The following DPP10 variants were observed in gnomAD, a reference collection of about 807,000 sequenced individuals.
DPP10 encodes the protein inactive dipeptidyl peptidase 10.
In DPP10, 33 loss-of-function variants were observed where a neutral mutation model predicts 120.9. The ratio of observed to expected loss-of-function variants is 0.27; its 90% CI spans 0.21 to 0.37. The LOEUF is 0.37. Among genes scored for constraint, DPP10 ranks in the 10% least tolerant of loss-of-function variants. DPP10 has a pLI of 1.00. For synonymous variants in DPP10, 337 were observed against 326.1 expected (o/e 1.03, Z -0.36); for missense variants, 816 against 942.8 (o/e 0.87, Z 1.76).
intron 1 of DPP10, among the ~76,000 whole-genome samples, chr2:114,509,651 T>G (rs1683971590): frequency 6.6e-6 from 1 of 152,108 alleles, no homozygotes; most frequent in African/African-American, 2.4e-5. Flanking sequence ...GTGAGTGGAG[T>G]AATAGGCATT....
chr2:114,611,258 A>T (rs1430303264), intron 1 of DPP10, among the ~76,000 whole-genome samples: 2 of 152,226 alleles, frequency 1.3e-5, no homozygotes, highest in Non-Finnish European at 2.9e-5. Flanking sequence ...TACTATAAAA[A>T]GCAGAAAAGG....
At chr2:114,760,464 T>C (rs1042780876) in intron 1 of DPP10, among the ~76,000 whole-genome samples, 2 of 152,114 alleles carry the variant, frequency 1.3e-5, no homozygotes, top group Non-Finnish European at 2.9e-5. Flanking sequence ...CAGGTCTTCA[T>C]TGAACAAACT....
At chr2:115,836,851 G>A (rs1442899939) in intron 24 of DPP10, 105 bp downstream of exon 24, 9 of 964,306 alleles carry the variant, frequency 9.3e-6, no homozygotes, top group East Asian at 7.4e-5. Context: ...TCTGAAGAAG[G>A]GAGCAGAGAG....
chr2:115,704,189 C>T, intron 7 of DPP10, among the ~76,000 whole-genome samples: 1 of 151,796 alleles, frequency 6.6e-6, no homozygotes, highest in Non-Finnish European at 1.5e-5. Context: ...GGATGAAAGA[C>T]ACCTGACTCC....
chr2:115,678,153 G>A (rs1291131182), intron 5 of DPP10, among the ~76,000 whole-genome samples: 1 of 152,188 alleles, frequency 6.6e-6, no homozygotes, highest in Non-Finnish European at 1.5e-5. Flanking sequence ...AGAAATTCAA[G>A]CCAGCTGCAG....
chr2:114,789,002 T>A (rs1447785902), intron 1 of DPP10, among the ~76,000 whole-genome samples: 1 of 152,084 alleles, frequency 6.6e-6, no homozygotes, highest in Non-Finnish European at 1.5e-5. Context: ...GTTAAAAAGG[T>A]TCACCATTAT....
intron 2 of DPP10, among the ~76,000 whole-genome samples, chr2:115,343,315 A>AT (rs2063541209): frequency 6.6e-6 from 1 of 152,078 alleles, no homozygotes; most frequent in Non-Finnish European, 1.5e-5. Flanking sequence ...TTGGGTACTA[A>AT]TTTTTTTGGT....
At chr2:114,756,086 A>G (rs931867508) in intron 1 of DPP10, among the ~76,000 whole-genome samples, 4 of 152,238 alleles carry the variant, frequency 2.6e-5, no homozygotes, top group African/African-American at 9.6e-5. Flanking sequence ...TAAATACAAT[A>G]TAAGGCAATG....
intron 1 of DPP10, among the ~76,000 whole-genome samples, chr2:115,221,646 G>C (rs142691800): frequency 1.3e-5 from 2 of 151,892 alleles, no homozygotes; most frequent in Non-Finnish European, 2.9e-5. Flanking sequence ...AAAAAGATTG[G>C]TAGCATTATT....
intron 3 of DPP10, among the ~76,000 whole-genome samples, chr2:115,424,997 AATCGTTGGGGAATG>A (rs1386032777): frequency 2.0e-5 from 3 of 152,206 alleles, no homozygotes; most frequent in Admixed American, 2.0e-4. Context: ...AGAGAAGTAG[AATCGTTGGGGAATG>A]AGTGGAGAAT....
intron 1 of DPP10, among the ~76,000 whole-genome samples, chr2:115,211,420 G>T (rs2056505142): frequency 6.6e-6 from 1 of 151,962 alleles, no homozygotes; most frequent in African/African-American, 2.4e-5. Context: ...AATTGCCATT[G>T]GTTACTTCTT....
intron 1 of DPP10, among the ~76,000 whole-genome samples, chr2:115,140,374 TG>T (rs1285793306): frequency 2.6e-5 from 4 of 152,090 alleles, no homozygotes; most frequent in African/African-American, 9.7e-5. Flanking sequence ...TGCAGGGCTG[TG>T]GGCAGAAGGA....
At chr2:114,494,101 CA>C (rs58552540) in intron 1 of DPP10, among the ~76,000 whole-genome samples, 3,349 of 77,174 alleles carry the variant, frequency 0.043, 47 homozygotes, top group African/African-American at 0.086. Context: ...AGCAATAAGG[CA>C]AAAAAAAAAA....
intron 1 of DPP10, among the ~76,000 whole-genome samples, chr2:115,243,428 A>C (rs2058379123): frequency 2.0e-5 from 3 of 152,208 alleles, no homozygotes; most frequent in South Asian, 2.1e-4. Context: ...AGCTTTAAAA[A>C]AATAAAATAA....
intron 1 of DPP10, among the ~76,000 whole-genome samples, chr2:115,276,241 A>T (rs564513562): frequency 6.6e-6 from 1 of 152,282 alleles, no homozygotes; most frequent in South Asian, 2.1e-4. Flanking sequence ...AATTTGGGAC[A>T]ATCGCCTTTA....
chr2:115,213,399 A>G (rs914239173), intron 1 of DPP10, among the ~76,000 whole-genome samples: 2 of 152,140 alleles, frequency 1.3e-5, no homozygotes, highest in Non-Finnish European at 2.9e-5. Flanking sequence ...TCACCCATCC[A>G]TGGTGATTAA....
intron 1 of DPP10, among the ~76,000 whole-genome samples, chr2:114,732,509 G>C (rs1429001387): frequency 6.6e-6 from 1 of 152,196 alleles, no homozygotes; most frequent in Non-Finnish European, 1.5e-5. Context: ...TCATGCTAGA[G>C]ACATAAGCTT....
At chr2:115,427,430 G>A (rs755012123) in intron 3 of DPP10, among the ~76,000 whole-genome samples, 6 of 152,268 alleles carry the variant, frequency 3.9e-5, no homozygotes, top group East Asian at 1.9e-4. Flanking sequence ...CTTCACTCTC[G>A]CAGGGTGCAT....
intron 1 of DPP10, among the ~76,000 whole-genome samples, chr2:114,644,606 A>G (rs1418583994): frequency 1.3e-5 from 2 of 151,802 alleles, no homozygotes; most frequent in Non-Finnish European, 2.9e-5. Flanking sequence ...CATTTTTTAA[A>G]AGCTATGCAG....
Sources: allele counts gnomAD v4.1 joint callset (sites outside exome capture counted in the v4.1 genomes callset), GRCh38; gene constraint gnomAD v4.1.1; transcripts MANE v1.5; gene names NCBI Gene and HGNC (gene_info 2026-07-23, HGNC 2026-07-21).